The following MEP1B variants were observed in gnomAD, a reference collection of about 807,000 sequenced individuals.
The protein encoded by MEP1B is N-benzoyl-L-tyrosyl-P-amino-benzoic acid hydrolase subunit beta.
MEP1B carries 80 observed loss-of-function variants against 84.6 expected under a neutral mutation model. That is an observed-to-expected ratio of 0.95 (90% CI 0.79 to 1.14). The LOEUF is 1.14. MEP1B is among the 50% of genes most tolerant of loss of function. The pLI is 0.00. For synonymous variants in MEP1B, 273 were observed against 288.1 expected (o/e 0.95, Z 0.53); for missense variants, 766 against 855.1 (o/e 0.90, Z 1.30).
chr18:32,196,784 G>T lies in MEP1B; in HGVS notation c.250+1299G>T, dbSNP rs1196326406. The T allele has an allele frequency of 1.5e-6, 1 of 663,632 alleles. No individual in the cohort carries two copies. The allele number at this position is 663,632 out of a possible 1,614,324, so 41.1% of individuals were successfully genotyped here. ...GCATGTTTTCCTGGATGGTGTTGGG[G>T]TGCTCGATGCCCATCACCCGCACGC... On this transcript the variant is annotated intron_variant, in intron 5 of 14. Coordinates refer to ENST00000269202, the MANE Select transcript of MEP1B (RefSeq NM_005925.3). This position sits in a 1 kb window ranked among gnomAD's most constrained non-coding sequence, Gnocchi z 4.4.
intron 5 of MEP1B, among the ~76,000 whole-genome samples, chr18:32,199,524 G>A (rs1561815): frequency 0.38 from 57,561 of 151,790 alleles, 11,285 homozygotes; most frequent in African/African-American, 0.47. Flanking sequence ...GAGCACAGGG[G>A]GCATGAGGAG....
intron 5 of MEP1B, among the ~76,000 whole-genome samples, chr18:32,198,453 A>C (rs1364881879): frequency 6.6e-6 from 1 of 152,222 alleles, no homozygotes; most frequent in East Asian, 1.9e-4. Flanking sequence ...CTGTTCACCC[A>C]TCTGGCCAGC....
At chr18:32,201,932 AT>A (rs1001517130) in intron 5 of MEP1B, among the ~76,000 whole-genome samples, 32 of 152,342 alleles carry the variant, frequency 2.1e-4, no homozygotes, top group Admixed American at 1.2e-3. Flanking sequence ...GGAAATGAAC[AT>A]TTGACAAATG....
rs528605220 is a variant in MEP1B at position 32,215,122 on chromosome 18, A to G, written c.1620A>G (p.Gly540=). The G allele has an allele frequency of 2.1e-5, 33 of 1,606,868 alleles. No homozygotes were observed. The East Asian group carries it at 7.1e-4, about 35-fold the overall frequency. ...NYFWDRPSKV[G]TVALFSNGTQ... is the part of the protein sequence containing the mutation. ...TCTGGGACAGGCCTTCTAAAGTGGG[A>G]ACAGTGGCTTTGTTCTCTAATGGAA... The change falls in exon 12 of 15, where the codon GGA becomes GGG. Residue 540 remains glycine, a synonymous_variant. Transcript: ENST00000269202.
chr18:32,206,430 C>G (rs1382097961), intron 7 of MEP1B, among the ~76,000 whole-genome samples: 1 of 133,720 alleles, frequency 7.5e-6, no homozygotes, highest in African/African-American at 2.7e-5. Context: ...TTCAACAACA[C>G]TTTTTTTTTT....
intron 9 of MEP1B, among the ~76,000 whole-genome samples, chr18:32,208,764 T>G (rs2040992550): frequency 6.6e-6 from 1 of 152,220 alleles, no homozygotes; most frequent in Non-Finnish European, 1.5e-5. Flanking sequence ...TTGTTTTGCC[T>G]TAAGTAGTTA....
chr18:32,196,063 C>G lies in MEP1B; in HGVS notation c.250+578C>G, dbSNP rs186244029. ...CGGGGAAGAAGGGTCATTGGCAGCC[C>G]GGGGCTGGGAACCCAGGTCCTCTGG... is the stretch of plus-strand genomic sequence containing the variant. On this transcript the variant is annotated intron_variant, in intron 5 of 14. Coordinates refer to ENST00000269202, the MANE Select transcript of MEP1B (RefSeq NM_005925.3). The surrounding 1 kb of genome is among the most constrained non-coding windows in gnomAD (Gnocchi z 4.4). 9.2e-6 allele frequency: 4 copies of G among 436,946 alleles called. No individual in the cohort carries two copies. The East Asian group carries it at 2.1e-4, about 23-fold the overall frequency. The allele number at this position is 436,946 out of a possible 1,614,324, so 27.1% of individuals were successfully genotyped here. A position where few individuals can be genotyped will look rare whatever the true frequency, so the allele number is the denominator to read the frequency against.
intron 7 of MEP1B, among the ~76,000 whole-genome samples, 179 bp downstream of exon 7, chr18:32,204,539 G>A (rs1258095930): frequency 6.6e-6 from 1 of 152,074 alleles, no homozygotes; most frequent in Non-Finnish European, 1.5e-5. Flanking sequence ...GAACCCATAT[G>A]AGCTAGATAT....
chr18:32,201,168 T>G (rs2040907517), intron 5 of MEP1B, among the ~76,000 whole-genome samples: 1 of 152,202 alleles, frequency 6.6e-6, no homozygotes, highest in Non-Finnish European at 1.5e-5. Flanking sequence ...TCTTTTACAT[T>G]CTGTTTAAAA....
Position 32,190,402 on chromosome 18 carries a change from T to C in MEP1B, c.63+269T>C, listed in dbSNP as rs576066829. Among the ~76,000 whole-genome samples the C allele has an allele frequency of 3.3e-5, 5 of 152,282 alleles. No individual in the cohort carries two copies. In the East Asian group the frequency reaches 9.6e-4, roughly 29 times the overall value. On this transcript the variant is annotated intron_variant, in intron 1 of 14. Transcript: ENST00000269202. The stretch of plus-strand genomic sequence containing the variant: ...TTCTTTTGATGAGATTATAAATGTG[T>C]ATTTTGAAAATCATTCCATTTTTAC...
intron 5 of MEP1B, among the ~76,000 whole-genome samples, chr18:32,198,939 T>C (rs561907422): frequency 1.3e-5 from 2 of 152,236 alleles, no homozygotes; most frequent in Non-Finnish European, 1.5e-5. Flanking sequence ...ATGCATTTGT[T>C]AGATTTAGTG....
Position 32,190,152 on chromosome 18 carries a change from G to C in MEP1B, c.63+19G>C, listed in dbSNP as rs748020879. The C allele has an allele frequency of 1.3e-6, 2 of 1,598,104 alleles. No homozygotes were observed. Among genetic ancestry groups the C allele is most frequent in the Non-Finnish European group, 1.7e-6 (2 of 1,170,384 alleles). On this transcript the variant is annotated intron_variant, in intron 1 of 14. Coordinates refer to ENST00000269202, the MANE Select transcript of MEP1B (RefSeq NM_005925.3). ...TGGCTTGGTAAGGAAACAGTATATA[G>C]AAGATAATTTAAAAATTTTGGGGCA...
In MEP1B at chr18:32,196,546, G is replaced by A; in HGVS notation, c.250+1061G>A. On this transcript the variant is annotated intron_variant, in intron 5 of 14. Coordinates refer to ENST00000269202, the MANE Select transcript of MEP1B (RefSeq NM_005925.3). This position sits in a 1 kb window ranked among gnomAD's most constrained non-coding sequence, Gnocchi z 4.4. ...CCAAGGGCCACCTTGAGAGCTTTGG[G>A]CCCTTGGTACTTGGTGCTGACGGCC... 6 of 701,788 alleles carry A rather than the reference G, an allele frequency of 8.5e-6. No individual in the cohort carries two copies. The highest frequency in any genetic ancestry group is 3.9e-5 in the Admixed American group (2 of 50,858). 43.5% of individuals were successfully genotyped at this position (701,788 alleles called of 1,614,324 possible).
intron 5 of MEP1B, among the ~76,000 whole-genome samples, chr18:32,201,299 TACACACAC>T (rs58057830): frequency 4.2e-5 from 6 of 144,324 alleles, no homozygotes; most frequent in East Asian, 2.1e-4. Context: ...CATATGTAGA[TACACACAC>T]ACACACACAC....
In MEP1B at chr18:32,196,293, C is replaced by A. The variant is rs558336250; in HGVS notation, c.250+808C>A. 1.4e-6 allele frequency: 1 copy of A among 706,084 alleles called. No homozygotes were observed. Among genetic ancestry groups the A allele is most frequent in the East Asian group, 2.7e-5 (1 of 37,250 alleles). The allele number at this position is 706,084 out of a possible 1,614,324, so 43.7% of individuals were successfully genotyped here. On this transcript the variant is annotated intron_variant, in intron 5 of 14. Transcript: ENST00000269202. The surrounding 1 kb of genome is among the most constrained non-coding windows in gnomAD (Gnocchi z 4.4). ...TGCTGGGGGCTGTGAAGTTGAGGGG[C>A]GGGATGTTGTTGCTGGAGCCGTTGC...
At chr18:32,200,152 T>C (rs1368557793) in intron 5 of MEP1B, among the ~76,000 whole-genome samples, 1 of 152,132 alleles carries the variant, frequency 6.6e-6, no homozygotes, top group Non-Finnish European at 1.5e-5. Flanking sequence ...ATTACCATAG[T>C]CTCTGGCGTA....
intron 5 of MEP1B, among the ~76,000 whole-genome samples, chr18:32,199,688 C>A (rs897162868): frequency 6.9e-6 from 1 of 145,822 alleles, no homozygotes; most frequent in African/African-American, 2.5e-5. Context: ...TCCTTCCTTC[C>A]TTCCTTCCTT....
chr18:32,210,349 G>A (rs985250147), intron 9 of MEP1B, among the ~76,000 whole-genome samples, 152 bp from the exon 10 acceptor site: 5 of 152,326 alleles, frequency 3.3e-5, no homozygotes, highest in African/African-American at 4.8e-5. Context: ...GCAAGTGCCA[G>A]ATATGTAGCT....
intron 8 of MEP1B, among the ~76,000 whole-genome samples, chr18:32,207,793 T>C (rs2040981060): frequency 6.6e-6 from 1 of 152,238 alleles, no homozygotes; most frequent in South Asian, 2.1e-4. Flanking sequence ...ATATGTCTAG[T>C]TGTAATATGA....
Sources: allele counts gnomAD v4.1 joint callset (sites outside exome capture counted in the v4.1 genomes callset), GRCh38; gene constraint gnomAD v4.1.1; non-coding constraint Gnocchi (gnomAD v3.1); transcripts MANE v1.5; gene names NCBI Gene and HGNC (gene_info 2026-07-23, HGNC 2026-07-21).